The following PCDHGA7 variants were observed in gnomAD, a reference collection of about 807,000 sequenced individuals.
The protein encoded by PCDHGA7 is protocadherin gamma subfamily A, 7, also known as protocadherin gamma-A7.
PCDHGA7 carries 44 observed loss-of-function variants against 58.3 expected under a neutral mutation model. The observed-to-expected ratio is 0.75, with a 90% CI of 0.59 to 0.97. The LOEUF (loss-of-function observed/expected upper bound fraction) is 0.97. Among genes scored for constraint, PCDHGA7 ranks in the 50% least tolerant of loss-of-function variants. The pLI is 0.00. For missense variants in PCDHGA7, 1,266 were observed against 1,188.7 expected (o/e 1.06, Z -0.96); for synonymous variants, 516 against 504.2 (o/e 1.02, Z -0.31).
chr5:141,497,596 G>C (rs920597006), intron 2 of PCDHGA7, among the ~76,000 whole-genome samples: 1 of 149,648 alleles, frequency 6.7e-6, no homozygotes, highest in Admixed American at 6.7e-5. Context: ...CTGGAGTGCA[G>C]TGGTGCGATC....
At position 141,384,511 on chromosome 5, in the gene PCDHGA7, G is replaced by A. The variant is rs1780163912; in HGVS notation, c.1612G>A (p.Gly538Arg). The change falls in exon 1 of 4, where the codon GGG becomes AGG. Residue 538 changes from glycine to arginine, a missense_variant. Coordinates refer to ENST00000518325, the MANE Select transcript of PCDHGA7 (RefSeq NM_018920.4). The part of the protein sequence containing the change: ...LQLRVTAHDS[G>R]DPPLSSNMSL... Reference sequence around the variant, plus strand: ...ACTAAGAGTGACTGCACATGACAGCGGGGACCCGCCTCTCAGCAGCAACAT... The same window carrying A: ...ACTAAGAGTGACTGCACATGACAGCAGGGACCCGCCTCTCAGCAGCAACAT... The A allele has an allele frequency of 6.2e-7, 1 of 1,614,188 alleles. No homozygotes were observed. The highest frequency in any genetic ancestry group is 8.5e-7 in the Non-Finnish European group (1 of 1,180,018).
Position 141,491,763 on chromosome 5 carries a change from T to A in PCDHGA7, c.2425-3044T>A. 1 of 1,570,222 alleles carries A rather than the reference T, an allele frequency of 6.4e-7. No individual in the cohort carries two copies. The highest frequency in any genetic ancestry group is 8.6e-7 in the Non-Finnish European group (1 of 1,159,286). On this transcript the variant is annotated intron_variant, in intron 1 of 3. Transcript: ENST00000518325. This position sits in a 1 kb window ranked among gnomAD's most constrained non-coding sequence, Gnocchi z 6.9. ...GCGGCACTGGAGAAGCCGCCCGTCC[T>A]CATAAGGGATTGAACTTGCATCCAC... is the stretch of plus-strand genomic sequence containing the variant.
In PCDHGA7 at chr5:141,477,005, T is replaced by C; in HGVS notation, c.2425-17802T>C. The C allele has an allele frequency of 1.2e-6, 2 of 1,614,240 alleles. No individual in the cohort carries two copies. Among genetic ancestry groups the C allele is most frequent in the Non-Finnish European group, 1.7e-6 (2 of 1,180,040 alleles). Reference sequence around the variant, plus strand: ...CGCCGGCGTGCGGCAACTATTCGCCTTAGACCTTGTAACCGGGATGCTGAC... The same window carrying C: ...CGCCGGCGTGCGGCAACTATTCGCCCTAGACCTTGTAACCGGGATGCTGAC... On this transcript the variant is annotated intron_variant, in intron 1 of 3. Transcript: ENST00000518325. The surrounding 1 kb of genome is among the most constrained non-coding windows in gnomAD (Gnocchi z 4.9).
Position 141,487,856 on chromosome 5 carries a change from T to C in PCDHGA7, c.2425-6951T>C. The C allele has an allele frequency of 2.0e-6, 2 of 977,364 alleles. No homozygotes were observed. The highest frequency in any genetic ancestry group is 3.0e-6 in the Non-Finnish European group (2 of 671,858). 60.5% of individuals were successfully genotyped at this position (977,364 alleles called of 1,614,324 possible). A position where few individuals can be genotyped will look rare whatever the true frequency, so the allele number is the denominator to read the frequency against. Reference sequence around the variant, plus strand: ...ATATCTGAGTAAGAAATGAAAGTAATTGGTGATCAAGAGCCAGGCTGTTGT... The same window carrying C: ...ATATCTGAGTAAGAAATGAAAGTAACTGGTGATCAAGAGCCAGGCTGTTGT... On this transcript the variant is annotated intron_variant, in intron 1 of 3. Transcript: ENST00000518325. The surrounding 1 kb of genome is among the most constrained non-coding windows in gnomAD (Gnocchi z 5.0).
rs761905572 is a variant in PCDHGA7 at position 141,486,493 on chromosome 5, T to A, written c.2425-8314T>A. The A allele has an allele frequency of 2.5e-6, 4 of 1,614,136 alleles. No homozygotes were observed. The highest frequency in any genetic ancestry group is 1.7e-4 in the Middle Eastern group (1 of 6,060). On this transcript the variant is annotated intron_variant, in intron 1 of 3. Transcript: ENST00000518325. This position sits in a 1 kb window ranked among gnomAD's most constrained non-coding sequence, Gnocchi z 5.0. ...ACCCTCCTCTCAGTACCCACAGAAC[T>A]ATTTTCCTCAATATTTCAGATGTGA... is the stretch of plus-strand genomic sequence containing the variant.
chr5:141,420,975 G>A, intron 1 of PCDHGA7: 2 of 458,946 alleles, frequency 4.4e-6, no homozygotes, highest in South Asian at 4.2e-5. Context: ...TAATAAGAAT[G>A]GGCTCTAGGC....
rs761396116 is a variant in PCDHGA7 at position 141,409,790 on chromosome 5, C to T, written c.2424+24467C>T. 4 of 1,612,010 alleles carry T rather than the reference C, an allele frequency of 2.5e-6. No homozygotes were observed. The Admixed American group carries it at 5.0e-5, about 20-fold the overall frequency. ...TCACGAGCAGCTGCGCGCCTTCGCGCTCACGCTGCAGGCCCGCGACCACGG... is the reference window on the plus strand; with the variant it reads ...TCACGAGCAGCTGCGCGCCTTCGCGTTCACGCTGCAGGCCCGCGACCACGG... On this transcript the variant is annotated intron_variant, in intron 1 of 3. Transcript: ENST00000518325.
At chr5:141,448,786 A>G (rs1354591718) in intron 1 of PCDHGA7, among the ~76,000 whole-genome samples, 1 of 148,848 alleles carries the variant, frequency 6.7e-6, no homozygotes, top group African/African-American at 2.5e-5. Context: ...TAAAAATACA[A>G]AAAAAAAAAT....
chr5:141,450,815 A>AT (rs1554136868), intron 1 of PCDHGA7, among the ~76,000 whole-genome samples: 4,329 of 126,688 alleles, frequency 0.034, 70 homozygotes, highest in Middle Eastern at 0.091. Flanking sequence ...TATTTATTTA[A>AT]TATTATTATT....
At chr5:141,508,383 T>C (rs1169318572) in intron 3 of PCDHGA7, 1 of 152,236 alleles carries the variant, frequency 6.6e-6, no homozygotes, top group Non-Finnish European at 1.5e-5. Flanking sequence ...CTCAGATTTA[T>C]AGATGGGAAA....
intron 1 of PCDHGA7, chr5:141,391,956 A>G (rs1440560320): frequency 6.6e-6 from 1 of 152,246 alleles, no homozygotes; most frequent in Non-Finnish European, 1.5e-5. Flanking sequence ...AAAAATATAA[A>G]CAATGTAAAT....
rs1307942270 is a variant in PCDHGA7 at position 141,388,326 on chromosome 5, C to A, written c.2424+3003C>A. ...GCTGCAAATAAGTGAGTCTGCACAG[C>A]CTGGCACACGATTTATATTAGGATC... On this transcript the variant is annotated intron_variant, in intron 1 of 3. Transcript: ENST00000518325. 3.7e-6 allele frequency: 6 copies of A among 1,613,760 alleles called. No homozygotes were observed. The highest frequency in any genetic ancestry group is 5.1e-6 in the Non-Finnish European group (6 of 1,179,866).
At chr5:141,388,920 A>G in intron 1 of PCDHGA7, 2 of 1,613,996 alleles carry the variant, frequency 1.2e-6, no homozygotes, top group Non-Finnish European at 1.7e-6. Flanking sequence ...CCCAGAAGTG[A>G]TATTCCAGTC....
intron 1 of PCDHGA7, chr5:141,399,627 C>T (rs751717107): frequency 1.2e-6 from 2 of 1,613,906 alleles, no homozygotes; most frequent in Non-Finnish European, 1.7e-6. Context: ...TGGCCTCTTA[C>T]GTGTCCATGA....
chr5:141,476,977 C>T lies in PCDHGA7; in HGVS notation c.2425-17830C>T, dbSNP rs141692339. 3,083 of 1,614,232 alleles carry T rather than the reference C, an allele frequency of 1.9e-3. 52 individuals carry two copies. The African/African-American group carries it at 0.034, about 18-fold the overall frequency. Reference sequence around the variant, plus strand: ...TTATTTACTCCTTCGGCAGCCACAACCGCGCCGGCGTGCGGCAACTATTCG... The same window carrying T: ...TTATTTACTCCTTCGGCAGCCACAATCGCGCCGGCGTGCGGCAACTATTCG... On this transcript the variant is annotated intron_variant, in intron 1 of 3. Coordinates refer to ENST00000518325, the MANE Select transcript of PCDHGA7 (RefSeq NM_018920.4). This position sits in a 1 kb window ranked among gnomAD's most constrained non-coding sequence, Gnocchi z 7.6.
At chr5:141,409,054 T>C (rs1314214077) in intron 1 of PCDHGA7, 2 of 1,613,910 alleles carry the variant, frequency 1.2e-6, no homozygotes, top group Non-Finnish European at 1.7e-6. Flanking sequence ...TCCGAAGCAC[T>C]GCCCAGAGCA....
chr5:141,408,302 C>T (rs1017556555), intron 1 of PCDHGA7: 1 of 1,613,780 alleles, frequency 6.2e-7, no homozygotes, highest in Non-Finnish European at 8.5e-7. Context: ...TGAGCCGATC[C>T]GCTACTCGAT....
rs1022516458 is a variant in PCDHGA7, at chr5:141,476,612, A to G, written c.2425-18195A>G. The G allele has an allele frequency of 1.2e-6, 2 of 1,614,236 alleles. No individual in the cohort carries two copies. The highest frequency in any genetic ancestry group is 2.2e-5 in the South Asian group (2 of 91,080). ...GAGCGCGCACGATCCCGATGTGGGA[A>G]GCAACTCTTTACAAACCTATGAGCT... On this transcript the variant is annotated intron_variant, in intron 1 of 3. Transcript: ENST00000518325. The surrounding 1 kb of genome is among the most constrained non-coding windows in gnomAD (Gnocchi z 7.6).
In PCDHGA7 at chr5:141,452,847, T is replaced by G. The variant is rs575815407; in HGVS notation, c.2425-41960T>G. Among the ~76,000 whole-genome samples, 42 of 152,304 alleles carry G rather than the reference T, an allele frequency of 2.8e-4. 1 individual carries two copies. Among genetic ancestry groups the G allele is most frequent in the Admixed American group, 2.5e-3 (38 of 15,302 alleles). ...AAATCACTTGGTCCAGCCCACACTC[T>G]GGGGAGATGATTTTCTAACTCCATT... On this transcript the variant is annotated intron_variant, in intron 1 of 3. Coordinates refer to ENST00000518325, the MANE Select transcript of PCDHGA7 (RefSeq NM_018920.4).
Sources: gnomAD v4.1 joint callset for allele counts (sites outside exome capture counted in the v4.1 genomes callset) on GRCh38, gnomAD v4.1.1 for gene constraint, Gnocchi (gnomAD v3.1) non-coding constraint, MANE v1.5 for transcripts, NCBI Gene and HGNC (gene_info 2026-07-23, HGNC 2026-07-21) for gene names.